KATNAL2: variants seen among roughly 807,000 people sequenced by gnomAD.
The protein encoded by KATNAL2 is katanin catalytic subunit A1 like 2.
KATNAL2 carries 52 observed loss-of-function variants against 76.3 expected under a neutral mutation model. That is an observed-to-expected ratio of 0.68 (90% CI 0.55 to 0.86). The LOEUF (loss-of-function observed/expected upper bound fraction) is 0.86. Ranked by LOEUF, KATNAL2 falls within the 40% of genes least tolerant of loss-of-function variation. KATNAL2 has a pLI of 0.00. For missense variants in KATNAL2, 660 were observed against 668.9 expected, an observed-to-expected ratio of 0.99 and a Z score of 0.15; for synonymous variants, 243 against 244.2, an observed-to-expected ratio of 1.00 and a Z score of 0.05.
At chr18:46,961,590 T>C (rs1238451896) in intron 3 of KATNAL2, among the ~76,000 whole-genome samples, 1 of 152,216 alleles carries the variant, frequency 6.6e-6, no homozygotes, top group African/African-American at 2.4e-5. Flanking sequence ...CTGAAAGACA[T>C]TTTTCAAATA....
intron 14 of KATNAL2, chr18:47,076,094 T>G (rs530576075): frequency 6.6e-6 from 1 of 152,188 alleles, no homozygotes; most frequent in Non-Finnish European, 1.5e-5. Context: ...AAAACAGATC[T>G]CTGAGAAATC....
chr18:47,050,035 G>T (rs77301896), intron 4 of KATNAL2, among the ~76,000 whole-genome samples: 2 of 152,056 alleles, frequency 1.3e-5, no homozygotes, highest in East Asian at 3.9e-4. Context: ...GCTACTTTTT[G>T]TTTCGTTGTT....
At chr18:47,098,300 A>C in intron 15 of KATNAL2, 1 of 309,316 alleles carries the variant, frequency 3.2e-6, no homozygotes, top group Non-Finnish European at 6.4e-6. Flanking sequence ...AAAAAAATTA[A>C]CTGGACTTAC....
intron 3 of KATNAL2, among the ~76,000 whole-genome samples, chr18:47,038,278 T>A (rs1264393065): frequency 6.6e-6 from 1 of 152,184 alleles, no homozygotes; most frequent in Admixed American, 6.5e-5. Context: ...TTCTTATTTA[T>A]CCTGATTAAC....
intron 10 of KATNAL2, among the ~76,000 whole-genome samples, chr18:47,065,169 C>T (rs1158059908): frequency 6.6e-6 from 1 of 152,128 alleles, no homozygotes; most frequent in Non-Finnish European, 1.5e-5. Context: ...TTTATAAATA[C>T]TTTCTCTAGA....
rs539127707 is a variant in KATNAL2, at chr18:47,037,391, A to T, written c.52-9066A>T. On this transcript the variant is annotated intron_variant, in intron 3 of 17. Transcript: ENST00000683218. ...ACAGCCAGATTATTGAAACATGCAA[A>T]TGAGACACCTAGATTAGATGTTCAC... is the stretch of plus-strand genomic sequence containing the variant. 5.9e-4 allele frequency among the ~76,000 whole-genome samples: 90 copies of T among 152,350 alleles called. 1 individual carries two copies. The South Asian group carries it at 0.018, about 31-fold the overall frequency.
chr18:47,080,515 T>C (rs1171047477), intron 15 of KATNAL2, among the ~76,000 whole-genome samples: 2 of 152,232 alleles, frequency 1.3e-5, no homozygotes, highest in Non-Finnish European at 2.9e-5. Context: ...TGATCTATTT[T>C]ACATTCTTGT....
intron 3 of KATNAL2, among the ~76,000 whole-genome samples, chr18:47,039,775 G>A (rs2060901348): frequency 1.3e-5 from 2 of 152,190 alleles, no homozygotes; most frequent in African/African-American, 2.4e-5. Context: ...ACTCTGAAAT[G>A]CATGTACGAA....
At position 47,101,631 on chromosome 18, in the gene KATNAL2, C is replaced by T. The variant is rs964674168; in HGVS notation, c.*626C>T. 1 of 153,464 alleles carries T rather than the reference C, an allele frequency of 6.5e-6. No homozygotes were observed. The highest frequency in any genetic ancestry group is 1.5e-5 in the Non-Finnish European group (1 of 68,876). 9.5% of individuals were successfully genotyped at this position (153,464 alleles called of 1,614,324 possible). A position where few individuals can be genotyped will look rare whatever the true frequency, so the allele number is the denominator to read the frequency against. On this transcript the variant is annotated 3_prime_UTR_variant, in exon 18 of 18. Coordinates refer to ENST00000683218, the MANE Select transcript of KATNAL2 (RefSeq NM_001387690.1). ...GAGCTAATAGCCAGGGTGACTAGCA[C>T]ACCATCACCATCAGCTGCCAGTCTG... is the stretch of plus-strand genomic sequence containing the variant.
chr18:46,962,357 A>G (rs2060008251), intron 3 of KATNAL2, among the ~76,000 whole-genome samples: 1 of 104,474 alleles, frequency 9.6e-6, no homozygotes, highest in Non-Finnish European at 1.8e-5. Context: ...CGGAGTTATC[A>G]GTGTCAACTG....
intron 15 of KATNAL2, among the ~76,000 whole-genome samples, chr18:47,095,509 T>C (rs1599877724): frequency 2.0e-5 from 3 of 152,240 alleles, no homozygotes; most frequent in African/African-American, 4.8e-5. Flanking sequence ...TCCATCATGA[T>C]TGTCAGTTTC....
At chr18:46,936,887 G>A (rs571296385) in intron 1 of KATNAL2, among the ~76,000 whole-genome samples, 13 of 152,180 alleles carry the variant, frequency 8.5e-5, no homozygotes, top group East Asian at 1.9e-4. Context: ...CCCGGGAGGC[G>A]GAGGTTGCAG....
chr18:47,052,790 G>A, intron 4 of KATNAL2, 90 bp from the exon 5 acceptor site: 1 of 1,015,052 alleles, frequency 9.9e-7, no homozygotes, highest in Non-Finnish European at 1.4e-6. Context: ...CTTACTTTTT[G>A]TATTGCATCC....
rs978525300 is a variant in KATNAL2 at position 47,067,015 on chromosome 18, T to C, written c.727-6T>C. On this transcript the variant is annotated splice_region_variant and splice_polypyrimidine_tract_variant and intron_variant, in intron 10 of 17. Coordinates refer to ENST00000683218, the MANE Select transcript of KATNAL2 (RefSeq NM_001387690.1). ...TTTTAAAAAAATGATCAAATGTGCA[T>C]TGCAGGACATTTATCTCCATAATCC... 6.4e-6 allele frequency: 10 copies of C among 1,553,302 alleles called. No homozygotes were observed. The East Asian group carries it at 9.0e-5, about 14-fold the overall frequency.
intron 4 of KATNAL2, among the ~76,000 whole-genome samples, chr18:47,048,875 C>A (rs186674275): frequency 1.9e-3 from 262 of 141,312 alleles, no homozygotes; most frequent in African/African-American, 6.7e-3. Flanking sequence ...CACTCTCTCG[C>A]CCAGCCTGGA....
intron 15 of KATNAL2, among the ~76,000 whole-genome samples, chr18:47,083,187 T>A (rs1412897546): frequency 6.6e-6 from 1 of 152,234 alleles, no homozygotes. Flanking sequence ...AGGGTTTAGA[T>A]GTTTCTTAAG....
At chr18:47,037,342 C>T (rs1415155074) in intron 3 of KATNAL2, among the ~76,000 whole-genome samples, 1 of 152,022 alleles carries the variant, frequency 6.6e-6, no homozygotes, top group African/African-American at 2.4e-5. Context: ...CAATAGCCCA[C>T]AAAGGAAATG....
At chr18:46,943,959 T>C (rs1428622862) in intron 1 of KATNAL2, among the ~76,000 whole-genome samples, 1 of 152,260 alleles carries the variant, frequency 6.6e-6, no homozygotes, top group Non-Finnish European at 1.5e-5. Context: ...TTAATTGTTT[T>C]TCTTCCCTCT....
intron 15 of KATNAL2, among the ~76,000 whole-genome samples, chr18:47,080,860 G>A (rs1415983440): frequency 1.3e-5 from 2 of 152,022 alleles, no homozygotes; most frequent in African/African-American, 4.8e-5. Flanking sequence ...CAAATCCTTT[G>A]TCCACTTTAA....
Sources: gnomAD v4.1 joint callset for allele counts (sites outside exome capture counted in the v4.1 genomes callset) on GRCh38, gnomAD v4.1.1 for gene constraint, MANE v1.5 for transcripts, NCBI Gene and HGNC (gene_info 2026-07-23, HGNC 2026-07-21) for gene names.